TMEM150C: variants seen among roughly 807,000 people sequenced by gnomAD.
TMEM150C encodes the protein transmembrane protein 150C.
Under a neutral mutation model 29.9 loss-of-function variants are expected in TMEM150C, and 10 were observed. The ratio of observed to expected loss-of-function variants is 0.33; its 90% CI spans 0.21 to 0.57. The LOEUF (loss-of-function observed/expected upper bound fraction) is 0.57, where lower values mean the gene tolerates loss of function less well. TMEM150C is among the 20% of genes least tolerant of loss of function. The pLI, the probability that TMEM150C is intolerant of heterozygous loss-of-function variation, is 0.88. For synonymous variants in TMEM150C, 101 were observed against 112.5 expected (o/e 0.90, Z 0.64); for missense variants, 251 against 303.6 (o/e 0.83, Z 1.29).
chr4:82,497,948 A>G (rs1723609596), intron 5 of TMEM150C, among the ~76,000 whole-genome samples: 1 of 152,160 alleles, frequency 6.6e-6, no homozygotes, highest in African/African-American at 2.4e-5. Context: ...CAGGCACTAC[A>G]GGATATCCTT....
At chr4:82,509,266 T>G (rs1349798595) in intron 1 of TMEM150C, among the ~76,000 whole-genome samples, 2 of 152,140 alleles carry the variant, frequency 1.3e-5, no homozygotes, top group African/African-American at 4.8e-5. Context: ...ATCCCTGCAG[T>G]TCTCTTTGTT....
At chr4:82,501,364 C>T (rs1237581480) in intron 5 of TMEM150C, among the ~76,000 whole-genome samples, 3 of 151,970 alleles carry the variant, frequency 2.0e-5, no homozygotes, top group East Asian at 1.9e-4. Context: ...GTCCTGACTG[C>T]CAGGGGCATA....
chr4:82,526,298 T>C (rs1452587020), intron 1 of TMEM150C, among the ~76,000 whole-genome samples: 1 of 152,200 alleles, frequency 6.6e-6, no homozygotes, highest in Admixed American at 6.5e-5. Flanking sequence ...AAGGAAGCAA[T>C]AAGAACAAGT....
At chr4:82,518,630 C>G (rs989090208) in intron 1 of TMEM150C, among the ~76,000 whole-genome samples, 4 of 152,152 alleles carry the variant, frequency 2.6e-5, no homozygotes, top group Non-Finnish European at 5.9e-5. Flanking sequence ...TTGAGACATA[C>G]GAGGGGTTTC....
At chr4:82,514,202 C>T (rs1286169962) in intron 1 of TMEM150C, among the ~76,000 whole-genome samples, 1 of 152,234 alleles carries the variant, frequency 6.6e-6, no homozygotes, top group Non-Finnish European at 1.5e-5. Context: ...AGGCAAGCTC[C>T]TCTTCTGCCG....
At chr4:82,492,864 GTATATATATATATATATA>G (rs58169287) in intron 6 of TMEM150C, among the ~76,000 whole-genome samples, 34 of 90,274 alleles carry the variant, frequency 3.8e-4, no homozygotes, top group East Asian at 2.4e-3. Flanking sequence ...ATATGTTTGT[GTATATATATATATATATA>G]TATATATATA....
At chr4:82,521,478 C>T (rs550901263) in intron 1 of TMEM150C, among the ~76,000 whole-genome samples, 90 of 152,292 alleles carry the variant, frequency 5.9e-4, no homozygotes, top group Middle Eastern at 6.8e-3. Context: ...CTACAGCATG[C>T]GGAACAGCCT....
rs141632841 is a variant in TMEM150C at position 82,537,072 on chromosome 4, C to T, written c.-11+24834G>A. Among the ~76,000 whole-genome samples, 214 of 152,304 alleles carry T rather than the reference C, an allele frequency of 1.4e-3. 2 individuals are homozygous for T. The highest frequency in any genetic ancestry group is 4.8e-3 in the African/African-American group (199 of 41,570). On this transcript the variant is annotated intron_variant, in intron 1 of 7. Coordinates refer to ENST00000449862, the MANE Select transcript of TMEM150C (RefSeq NM_001080506.3). ...TCTAGGCTCACTACAAGCTCCACCT[C>T]CCAGGTTCACACCATTCTCCTGCCT...
chr4:82,503,909 C>A (rs1425361033), intron 2 of TMEM150C, among the ~76,000 whole-genome samples: 1 of 151,918 alleles, frequency 6.6e-6, no homozygotes, highest in Non-Finnish European at 1.5e-5. Flanking sequence ...TCATGAATAA[C>A]TGGACTATGA....
At chr4:82,559,643 A>G (rs1020149694) in intron 1 of TMEM150C, among the ~76,000 whole-genome samples, 1 of 152,220 alleles carries the variant, frequency 6.6e-6, no homozygotes, top group African/African-American at 2.4e-5. Context: ...CCTGGATTCA[A>G]TAACACTTGG....
intron 1 of TMEM150C, among the ~76,000 whole-genome samples, chr4:82,535,849 T>A (rs972244097): frequency 6.6e-6 from 1 of 152,152 alleles, no homozygotes; most frequent in Non-Finnish European, 1.5e-5. Flanking sequence ...AGCTGAATAA[T>A]CCCTTGTTGT....
chr4:82,530,547 A>C (rs937123285), intron 1 of TMEM150C, among the ~76,000 whole-genome samples: 2 of 152,014 alleles, frequency 1.3e-5, no homozygotes, highest in Non-Finnish European at 2.9e-5. Context: ...ACAAAGCGAG[A>C]CTCTGTCTCA....
chr4:82,531,517 G>A (rs1724845096), intron 1 of TMEM150C, among the ~76,000 whole-genome samples: 1 of 152,176 alleles, frequency 6.6e-6, no homozygotes, highest in South Asian at 2.1e-4. Context: ...AACACTGGGA[G>A]GCCAAGGTGG....
intron 1 of TMEM150C, among the ~76,000 whole-genome samples, chr4:82,509,133 G>A (rs1014032561): frequency 2.6e-5 from 4 of 152,176 alleles, no homozygotes; most frequent in African/African-American, 2.4e-5. Flanking sequence ...CCCTAAGTCT[G>A]AGTTATCTTC....
At chr4:82,490,005 C>A (rs1723280469) in intron 7 of TMEM150C, 56 bp downstream of exon 7, 1 of 1,545,330 alleles carries the variant, frequency 6.5e-7, no homozygotes, top group African/African-American at 1.4e-5. Context: ...TCTACAGAGA[C>A]AACTTACTTG....
chr4:82,501,237 G>C (rs1723727833), intron 5 of TMEM150C, among the ~76,000 whole-genome samples: 1 of 152,190 alleles, frequency 6.6e-6, no homozygotes, highest in Non-Finnish European at 1.5e-5. Context: ...GCAGCTCTGA[G>C]GCTGAAAGCA....
chr4:82,487,287 A>G (rs1201394111), intron 7 of TMEM150C, among the ~76,000 whole-genome samples: 4 of 152,132 alleles, frequency 2.6e-5, no homozygotes, highest in South Asian at 4.2e-4. Context: ...CGTCTCTATT[A>G]AAACAACAAA....
chr4:82,513,155 C>T (rs1003007639), intron 1 of TMEM150C, among the ~76,000 whole-genome samples: 3 of 152,212 alleles, frequency 2.0e-5, no homozygotes, highest in African/African-American at 7.2e-5. Flanking sequence ...AGACACTTCC[C>T]AGCAGGGGTC....
chr4:82,510,080 C>A (rs1161690666), intron 1 of TMEM150C, among the ~76,000 whole-genome samples: 1 of 152,008 alleles, frequency 6.6e-6, no homozygotes, highest in African/African-American at 2.4e-5. Context: ...GAGATCGAGA[C>A]CATCCTGGCT....
Sources: gnomAD v4.1 joint callset for allele counts (sites outside exome capture counted in the v4.1 genomes callset) on GRCh38, gnomAD v4.1.1 for gene constraint, MANE v1.5 for transcripts, NCBI Gene and HGNC (gene_info 2026-07-23, HGNC 2026-07-21) for gene names.